PTPN6: variants seen among roughly 807,000 people sequenced by gnomAD.
PTPN6 encodes tyrosine-protein phosphatase non-receptor type 6.
In PTPN6, 18 loss-of-function variants were observed where a neutral mutation model predicts 81.5. The observed-to-expected ratio is 0.22, with a 90% CI of 0.15 to 0.33. PTPN6 has a LOEUF of 0.33. Among genes scored for constraint, PTPN6 ranks in the 10% least tolerant of loss-of-function variants. PTPN6 has a pLI of 1.00. For missense variants in PTPN6, 500 were observed against 794.2 expected (o/e 0.63, Z 4.45); for synonymous variants, 301 against 310.9 (o/e 0.97, Z 0.33).
In PTPN6 at chr12:6,956,049, C is replaced by A; in HGVS notation, c.845-93C>A. On this transcript the variant is annotated intron_variant, in intron 7 of 15. Transcript: ENST00000318974. This position sits in a 1 kb window ranked among gnomAD's most constrained non-coding sequence, Gnocchi z 4.1. ...CCGCAAGCCTCATGGCTTCTGAGAC[C>A]AGAATGGCCTGTTAGCTCAGGAGGG... 7.6e-7 allele frequency: 1 copy of A among 1,314,110 alleles called. No homozygotes were observed. Among genetic ancestry groups the A allele is most frequent in the Non-Finnish European group, 1.1e-6 (1 of 913,718 alleles). 81.4% of individuals were successfully genotyped at this position (1,314,110 alleles called of 1,614,324 possible).
Position 6,956,702 on chromosome 12 carries a change from A to G in PTPN6, c.1074+134A>G. 1 of 1,212,114 alleles carries G rather than the reference A, an allele frequency of 8.3e-7. No homozygotes were observed. Among genetic ancestry groups the G allele is most frequent in the Non-Finnish European group, 1.2e-6 (1 of 855,870 alleles). The allele number at this position is 1,212,114 out of a possible 1,614,324, so 75.1% of individuals were successfully genotyped here. On this transcript the variant is annotated intron_variant, in intron 9 of 15. Transcript: ENST00000318974. This position sits in a 1 kb window ranked among gnomAD's most constrained non-coding sequence, Gnocchi z 4.1. Reference sequence around the variant, plus strand: ...GGCCCTTGTTGGGAAACTGAGGGCTAGTGACAAAGTCTCGACTACACAACG... The same window carrying G: ...GGCCCTTGTTGGGAAACTGAGGGCTGGTGACAAAGTCTCGACTACACAACG...
chr12:6,953,901 T>C (rs1945972820), intron 3 of PTPN6, among the ~76,000 whole-genome samples: 1 of 152,052 alleles, frequency 6.6e-6, no homozygotes, highest in Non-Finnish European at 1.5e-5. Context: ...ATCCCTGCGG[T>C]TGGAAAATTT....
At chr12:6,948,736 C>A (rs1189306575), upstream of PTPN6, among the ~76,000 whole-genome samples, 1 of 151,530 alleles carries the variant, frequency 6.6e-6, no homozygotes, top group African/African-American at 2.4e-5. Flanking sequence ...GTCAGGAGTT[C>A]AAGACCAGCC....
In PTPN6 at chr12:6,959,734, C is replaced by T. The variant is rs1320333469; in HGVS notation, c.1362-193C>T. 1.4e-5 allele frequency: 9 copies of T among 645,180 alleles called. No individual in the cohort carries two copies. The highest frequency in any genetic ancestry group is 5.4e-5 in the East Asian group (2 of 36,882). 40.0% of individuals were successfully genotyped at this position (645,180 alleles called of 1,614,324 possible). A position where few individuals can be genotyped will look rare whatever the true frequency, so the allele number is the denominator to read the frequency against. On this transcript the variant is annotated intron_variant, in intron 11 of 15. Coordinates refer to ENST00000318974, the MANE Select transcript of PTPN6 (RefSeq NM_002831.6). The surrounding 1 kb of genome is among the most constrained non-coding windows in gnomAD (Gnocchi z 6.6). Reference sequence around the variant, plus strand: ...GAGCCAGCGTCAGCACCGCAGAGCCCGAGGTGGAGCGTGTCCATGCAGAGC... The same window carrying T: ...GAGCCAGCGTCAGCACCGCAGAGCCTGAGGTGGAGCGTGTCCATGCAGAGC...
upstream of PTPN6, among the ~76,000 whole-genome samples, chr12:6,948,803 G>A (rs1945874252): frequency 6.6e-6 from 1 of 151,894 alleles, no homozygotes; most frequent in African/African-American, 2.4e-5. Flanking sequence ...AATTAGGCTG[G>A]CACAGTGGTG....
Position 6,959,941 on chromosome 12 carries a change from G to A in PTPN6, c.1376G>A (p.Arg459His). Residue 459 changes from arginine to histidine, a missense_variant, in exon 12 of 16, where the codon CGC (arginine) becomes CAC (histidine). By Grantham distance (29) the Arg-to-His change is conservative. This residue lies in a region of PTPN6 where 226 missense variants were observed against 364.4 expected (regional missense o/e 0.62). Transcript: ENST00000318974. This position sits in a 1 kb window ranked among gnomAD's most constrained non-coding sequence, Gnocchi z 6.6. The stretch of plus-strand genomic sequence containing the variant: ...TCTTTCCCCAGCGCCGGCATCGGCC[G>A]CACAGGCACCATCATTGTCATCGAC... Reference protein sequence around the residue: ...IIVHCSAGIGRTGTIIVIDML... With the variant: ...IIVHCSAGIGHTGTIIVIDML... The A allele has an allele frequency of 1.2e-6, 2 of 1,604,616 alleles. No individual in the cohort carries two copies. The highest frequency in any genetic ancestry group is 1.7e-6 in the Non-Finnish European group (2 of 1,176,812).
At chr12:6,948,128 A>G (rs1234461237), upstream of PTPN6, among the ~76,000 whole-genome samples, 3 of 152,014 alleles carry the variant, frequency 2.0e-5, no homozygotes, top group Non-Finnish European at 4.4e-5. Context: ...TCTATTAAAA[A>G]AAAATACTGG....
rs782729717 is a variant in PTPN6, at chr12:6,960,081, C to A, written c.1430-7C>A. The A allele has an allele frequency of 2.5e-6, 4 of 1,613,478 alleles. No homozygotes were observed. Among genetic ancestry groups the A allele is most frequent in the Non-Finnish European group, 3.4e-6 (4 of 1,180,008 alleles). On this transcript the variant is annotated splice_polypyrimidine_tract_variant and splice_region_variant and intron_variant, in intron 12 of 15. Transcript: ENST00000318974. The surrounding 1 kb of genome is among the most constrained non-coding windows in gnomAD (Gnocchi z 6.1). ...CTGGACCTGAGGTTTGACTGCCCCC[C>A]ACCCAGGCCTGGACTGTGACATTGA...
At position 6,960,762 on chromosome 12, in the gene PTPN6, C is replaced by T. The variant is rs781903618; in HGVS notation, c.1674-44C>T. 5 of 1,551,948 alleles carry T rather than the reference C, an allele frequency of 3.2e-6. No individual in the cohort carries two copies. The South Asian group carries it at 5.9e-5, about 18-fold the overall frequency. ...CGGGTCCCCCTGTGCTGTCTCCTGA[C>T]CTGCACCAACTGCCTGTACTTGCCC... On this transcript the variant is annotated intron_variant, in intron 14 of 15. Coordinates refer to ENST00000318974, the MANE Select transcript of PTPN6 (RefSeq NM_002831.6). This position sits in a 1 kb window ranked among gnomAD's most constrained non-coding sequence, Gnocchi z 6.1.
At position 6,955,600 on chromosome 12, in the gene PTPN6, A is replaced by C; in HGVS notation, c.748-60A>C. The C allele has an allele frequency of 6.3e-7, 1 of 1,581,690 alleles. No individual in the cohort carries two copies. Among genetic ancestry groups the C allele is most frequent in the Non-Finnish European group, 8.7e-7 (1 of 1,151,234 alleles). On this transcript the variant is annotated intron_variant, in intron 6 of 15. Coordinates refer to ENST00000318974, the MANE Select transcript of PTPN6 (RefSeq NM_002831.6). The surrounding 1 kb of genome is among the most constrained non-coding windows in gnomAD (Gnocchi z 7.2). Reference sequence around the variant, plus strand: ...CTCTGCTCCTGACCCACCCCACGTGAGCTCCCCCGATGGATGCCCTCTTTG... The same window carrying C: ...CTCTGCTCCTGACCCACCCCACGTGCGCTCCCCCGATGGATGCCCTCTTTG...
Position 6,961,206 on chromosome 12 carries a change from T to C in PTPN6, c.*106T>C. 2.0e-6 allele frequency: 1 copy of C among 489,692 alleles called. No individual in the cohort carries two copies. The highest frequency in any genetic ancestry group is 2.1e-5 in the South Asian group (1 of 48,772). The allele number at this position is 489,692 out of a possible 1,614,324, so 30.3% of individuals were successfully genotyped here. A position where few individuals can be genotyped will look rare whatever the true frequency, so the allele number is the denominator to read the frequency against. On this transcript the variant is annotated 3_prime_UTR_variant, in exon 16 of 16. Coordinates refer to ENST00000318974, the MANE Select transcript of PTPN6 (RefSeq NM_002831.6). ...CTAGGAGTGCCCCATTCTTTTGTAATTTAAATGGCTGCATCCCCCCCACCT... is the reference window on the plus strand; with the variant it reads ...CTAGGAGTGCCCCATTCTTTTGTAACTTAAATGGCTGCATCCCCCCCACCT...
chr12:6,960,244 G>C lies in PTPN6; in HGVS notation c.1581+5G>C. On this transcript the variant is annotated splice_donor_5th_base_variant and intron_variant, in intron 13 of 15. Coordinates refer to ENST00000318974, the MANE Select transcript of PTPN6 (RefSeq NM_002831.6). This position sits in a 1 kb window ranked among gnomAD's most constrained non-coding sequence, Gnocchi z 6.1. ...AAGAAGCTGGAGGTCCTGCAGGTGC[G>C]TGCAGAGCAGGGCCTGGGGGGGGGG... The C allele has an allele frequency of 1.9e-6, 3 of 1,602,318 alleles. No individual in the cohort carries two copies. The highest frequency in any genetic ancestry group is 2.6e-6 in the Non-Finnish European group (3 of 1,175,766).
At position 6,951,580 on chromosome 12, in the gene PTPN6, C is replaced by A. The variant is rs1555147738; in HGVS notation, c.9-29C>A. 6.2e-7 allele frequency: 1 copy of A among 1,613,884 alleles called. No individual in the cohort carries two copies. Among genetic ancestry groups the A allele is most frequent in the Non-Finnish European group, 8.5e-7 (1 of 1,179,942 alleles). On this transcript the variant is annotated intron_variant, in intron 1 of 15. Coordinates refer to ENST00000318974, the MANE Select transcript of PTPN6 (RefSeq NM_002831.6). This position sits in a 1 kb window ranked among gnomAD's most constrained non-coding sequence, Gnocchi z 7.2. The stretch of plus-strand genomic sequence containing the variant: ...AGGGTGCCTGGTGCCCACGGGACCC[C>A]TCCTCACTGCCCTGCCTGGGCCGCC...
In PTPN6 at chr12:6,960,677, G is replaced by A. The variant is rs1402411910; in HGVS notation, c.1674-129G>A. 1 of 1,551,334 alleles carries A rather than the reference G, an allele frequency of 6.4e-7. No individual in the cohort carries two copies. Among genetic ancestry groups the A allele is most frequent in the East Asian group, 2.4e-5 (1 of 40,924 alleles). ...CTGTCCTCTAGGAGCTTGGAGTCTA[G>A]TGCAGGGACCGTGGCTGCGTCACCT... On this transcript the variant is annotated intron_variant, in intron 14 of 15. Coordinates refer to ENST00000318974, the MANE Select transcript of PTPN6 (RefSeq NM_002831.6). This position sits in a 1 kb window ranked among gnomAD's most constrained non-coding sequence, Gnocchi z 6.1.
chr12:6,954,077 C>T lies in PTPN6; in HGVS notation c.327-728C>T, dbSNP rs141197896. Among the ~76,000 whole-genome samples, 1,188 of 152,242 alleles carry T rather than the reference C, an allele frequency of 7.8e-3. 14 individuals carry two copies. The highest frequency in any genetic ancestry group is 0.025 in the African/African-American group (1,059 of 41,538). On this transcript the variant is annotated intron_variant, in intron 3 of 15. Transcript: ENST00000318974. The surrounding 1 kb of genome is among the most constrained non-coding windows in gnomAD (Gnocchi z 5.4). ...AAAGGGGTGTGCTTCGGGGAAAGGG[C>T]TTAGTTCTGCTTTCTGCCCTGACAG...
chr12:6,960,205 T>C lies in PTPN6; in HGVS notation c.1547T>C (p.Ile516Thr), dbSNP rs1555149485. The C allele has an allele frequency of 3.1e-6, 5 of 1,607,786 alleles. No individual in the cohort carries two copies. The African/African-American group carries it at 4.1e-5, about 13-fold the overall frequency. Residue 516 changes from isoleucine to threonine, a missense_variant, in exon 13 of 16, where the codon ATT (isoleucine) becomes ACT (threonine). Transcript: ENST00000318974. This position sits in a 1 kb window ranked among gnomAD's most constrained non-coding sequence, Gnocchi z 6.1. ...ATCTACGTGGCCATCGCCCAGTTCA[T>C]TGAAACCACTAAGAAGAAGCTGGAG... ...KFIYVAIAQF[I>T]ETTKKKLEVL...
At position 6,956,375 on chromosome 12, in the gene PTPN6, G is replaced by A. The variant is rs1591688845; in HGVS notation, c.925-44G>A. The A allele has an allele frequency of 6.2e-7, 1 of 1,614,090 alleles. No homozygotes were observed. Among genetic ancestry groups the A allele is most frequent in the Non-Finnish European group, 8.5e-7 (1 of 1,180,018 alleles). On this transcript the variant is annotated intron_variant, in intron 8 of 15. Coordinates refer to ENST00000318974, the MANE Select transcript of PTPN6 (RefSeq NM_002831.6). This position sits in a 1 kb window ranked among gnomAD's most constrained non-coding sequence, Gnocchi z 4.1. ...TGGTTCAGGGCCTGTGCTGGGCCAAGGGGCTCACTGTCTTGGGGTGCGTCT... is the reference window on the plus strand; with the variant it reads ...TGGTTCAGGGCCTGTGCTGGGCCAAAGGGCTCACTGTCTTGGGGTGCGTCT...
rs1555149487 is a variant in PTPN6 at position 6,960,206 on chromosome 12, T to C, written c.1548T>C (p.Ile516=). ...KFIYVAIAQF[I]ETTKKKLEVL... ...TCTACGTGGCCATCGCCCAGTTCATTGAAACCACTAAGAAGAAGCTGGAGG... is the reference window on the plus strand; with the variant it reads ...TCTACGTGGCCATCGCCCAGTTCATCGAAACCACTAAGAAGAAGCTGGAGG... Residue 516 remains isoleucine (I), a synonymous_variant, in exon 13 of 16, where the codon ATT becomes ATC. Transcript: ENST00000318974. This position sits in a 1 kb window ranked among gnomAD's most constrained non-coding sequence, Gnocchi z 6.1. 3 of 1,600,952 alleles carry C rather than the reference T, an allele frequency of 1.9e-6. No individual in the cohort carries two copies. Among genetic ancestry groups the C allele is most frequent in the South Asian group, 2.2e-5 (2 of 90,702 alleles).
Position 6,959,525 on chromosome 12 carries a change from A to G in PTPN6, c.1362-402A>G, listed in dbSNP as rs782015956. On this transcript the variant is annotated intron_variant, in intron 11 of 15. Transcript: ENST00000318974. The surrounding 1 kb of genome is among the most constrained non-coding windows in gnomAD (Gnocchi z 6.6). ...AGGGTTTGAAGGAAAAGGGAAGTGA[A>G]GCCATGCTGAGAGACGCTCCATAAC... is the stretch of plus-strand genomic sequence containing the variant. The G allele has an allele frequency of 5.8e-6, 2 of 345,532 alleles. No individual in the cohort carries two copies. The highest frequency in any genetic ancestry group is 8.7e-4 in the Middle Eastern group (1 of 1,148). The allele number at this position is 345,532 out of a possible 1,614,324, so 21.4% of individuals were successfully genotyped here.
Sources: gnomAD v4.1 joint callset for allele counts (sites outside exome capture counted in the v4.1 genomes callset) on GRCh38, gnomAD v4.1.1 for gene constraint, gnomAD v4.1.1 regional missense constraint, Gnocchi (gnomAD v3.1) non-coding constraint, MANE v1.5 for transcripts, NCBI Gene and HGNC (gene_info 2026-07-23, HGNC 2026-07-21) for gene names.